SLA: variants seen among roughly 807,000 people sequenced by gnomAD.
SLA encodes src-like-adapter.
A neutral mutation model predicts 30.3 loss-of-function variants in SLA; 16 were observed. The ratio of observed to expected loss-of-function variants is 0.53; its 90% CI spans 0.36 to 0.80. SLA has a LOEUF of 0.80. SLA is among the 30% of genes least tolerant of loss of function. The pLI is 0.01. For synonymous variants in SLA, 143 were observed against 137.8 expected (o/e 1.04, Z -0.26); for missense variants, 310 against 345.2 (o/e 0.90, Z 0.81).
chr8:133,102,212 C>T (rs923417695), intron 1 of SLA, among the ~76,000 whole-genome samples: 1 of 152,224 alleles, frequency 6.6e-6, no homozygotes, highest in Non-Finnish European at 1.5e-5. Flanking sequence ...TGAACCACCT[C>T]AGCTGACCTG....
rs770756324 is a variant in SLA, at chr8:133,096,311, G to A, written c.-319+6242C>T. The A allele has an allele frequency of 8.1e-6, 13 of 1,614,188 alleles. No homozygotes were observed. The East Asian group carries it at 2.9e-4, about 36-fold the overall frequency. On this transcript the variant is annotated intron_variant, in intron 1 of 8. Coordinates refer to ENST00000338087, the MANE Select transcript of SLA (RefSeq NM_001045556.3). ...ACTGAAGAGGTCTTTATGGGTAGAG[G>A]TCGATCTGCTCATTGGGAGTTCTCA...
chr8:133,069,325 C>A (rs566708426), intron 2 of SLA, among the ~76,000 whole-genome samples: 8 of 152,224 alleles, frequency 5.3e-5, no homozygotes, highest in African/African-American at 1.7e-4. Context: ...TTTCACCTGA[C>A]ACAGCATTTG....
chr8:133,057,811 A>G (rs4736620), intron 3 of SLA, among the ~76,000 whole-genome samples: 75,822 of 151,108 alleles, frequency 0.5, 19,403 homozygotes, highest in African/African-American at 0.55. Flanking sequence ...GGGTAAAGCC[A>G]TGTTCCAAGG....
chr8:133,044,842 T>G, intron 7 of SLA, 142 bp downstream of exon 7: 1 of 779,380 alleles, frequency 1.3e-6, no homozygotes, highest in South Asian at 1.7e-5. Flanking sequence ...AAATTTACAG[T>G]CTGAATTAAC....
Position 133,086,752 on chromosome 8 carries a change from T to G in SLA, c.-318-11622A>C, listed in dbSNP as rs1588048537. 2.0e-5 allele frequency among the ~76,000 whole-genome samples: 3 copies of G among 152,188 alleles called. No homozygotes were observed. In the East Asian group the frequency reaches 5.8e-4, roughly 29 times the overall value. ...GTTACAGGAAAACTTTCTCATTTCT[T>G]TATTACAACAATCCTATGGGGAAGC... is the stretch of plus-strand genomic sequence containing the variant. On this transcript the variant is annotated intron_variant, in intron 1 of 8. Coordinates refer to ENST00000338087, the MANE Select transcript of SLA (RefSeq NM_001045556.3).
At chr8:133,049,819 G>A in intron 5 of SLA, 83 bp downstream of exon 5, 1 of 946,944 alleles carries the variant, frequency 1.1e-6, no homozygotes, top group South Asian at 1.3e-5. Context: ...TTACCACTAT[G>A]AATGCTGGAA....
intron 1 of SLA, among the ~76,000 whole-genome samples, chr8:133,078,259 T>C (rs1845202866): frequency 2.0e-5 from 3 of 152,174 alleles, no homozygotes; most frequent in Admixed American, 2.0e-4. Context: ...GGGCAGCCTG[T>C]GAGCTGCATC....
intron 1 of SLA, among the ~76,000 whole-genome samples, chr8:133,078,711 T>G (rs1845278063): frequency 6.6e-6 from 1 of 152,222 alleles, no homozygotes; most frequent in Non-Finnish European, 1.5e-5. Context: ...TTTTCTCTGT[T>G]TTCCAGGCCC....
chr8:133,089,794 C>T (rs1456852180), intron 1 of SLA, among the ~76,000 whole-genome samples: 1 of 152,148 alleles, frequency 6.6e-6, no homozygotes, highest in Non-Finnish European at 1.5e-5. Context: ...GGGTAATCAG[C>T]CTCTGACCCC....
At chr8:133,042,676 G>GTTTTT (rs1838483510) in intron 7 of SLA, among the ~76,000 whole-genome samples, 4 of 55,580 alleles carry the variant, frequency 7.2e-5, no homozygotes, top group Non-Finnish European at 1.3e-4. Flanking sequence ...CTCATTCTGT[G>GTTTTT]TCTTTTTTTT....
chr8:133,060,978 C>A (rs1587939979), intron 2 of SLA, among the ~76,000 whole-genome samples: 1 of 152,214 alleles, frequency 6.6e-6, no homozygotes, highest in Non-Finnish European at 1.5e-5. Context: ...TGTGTACTTA[C>A]AAGCTAGATG....
chr8:133,061,120 C>T (rs1284276020), intron 2 of SLA, among the ~76,000 whole-genome samples: 2 of 152,210 alleles, frequency 1.3e-5, no homozygotes, highest in African/African-American at 4.8e-5. Context: ...AAGCGATTCT[C>T]CTGCCTCAGC....
At chr8:133,066,240 G>A (rs538824187) in intron 2 of SLA, among the ~76,000 whole-genome samples, 1 of 151,202 alleles carries the variant, frequency 6.6e-6, no homozygotes, top group Admixed American at 6.6e-5. Context: ...GCAAGAGAAC[G>A]GCGTGAACCC....
chr8:133,056,078 G>A (rs1297494227), intron 3 of SLA, among the ~76,000 whole-genome samples: 1 of 152,064 alleles, frequency 6.6e-6, no homozygotes, highest in African/African-American at 2.4e-5. Flanking sequence ...GGTCTCCCTG[G>A]GCAGGGCAGG....
In SLA at chr8:133,038,486, T is replaced by G; in HGVS notation, c.*38A>C. On this transcript the variant is annotated 3_prime_UTR_variant, in exon 9 of 9. Transcript: ENST00000338087. The stretch of plus-strand genomic sequence containing the variant: ...GATCCCAGGCAATAGTTGGAACTTC[T>G]GTTCCTTTTGGGCATGAACCATTGT... 1 of 1,480,478 alleles carries G rather than the reference T, an allele frequency of 6.8e-7. No homozygotes were observed. The highest frequency in any genetic ancestry group is 9.4e-7 in the Non-Finnish European group (1 of 1,058,328). The allele number at this position is 1,480,478 out of a possible 1,614,324, so 91.7% of individuals were successfully genotyped here.
intron 7 of SLA, among the ~76,000 whole-genome samples, chr8:133,044,576 C>T (rs760282235): frequency 2.6e-5 from 4 of 152,122 alleles, no homozygotes; most frequent in East Asian, 1.9e-4. Flanking sequence ...ATAGCTTCAT[C>T]GCAGAGGCGT....
intron 3 of SLA, among the ~76,000 whole-genome samples, chr8:133,051,566 G>A (rs1477177553): frequency 1.3e-5 from 2 of 152,170 alleles, no homozygotes; most frequent in Non-Finnish European, 2.9e-5. Flanking sequence ...TGAGGGTGGG[G>A]GTGGTGGAAG....
At chr8:133,100,437 T>A (rs1335738521) in intron 1 of SLA, among the ~76,000 whole-genome samples, 1 of 152,228 alleles carries the variant, frequency 6.6e-6, no homozygotes, top group East Asian at 1.9e-4. Flanking sequence ...ATGTTTCTAG[T>A]TCTGCTAGAC....
intron 7 of SLA, among the ~76,000 whole-genome samples, chr8:133,043,203 C>G (rs146565712): frequency 6.6e-6 from 1 of 152,022 alleles, no homozygotes; most frequent in Admixed American, 6.6e-5. Flanking sequence ...TGAGATATTC[C>G]CCATGGTCAA....
Sources: allele counts gnomAD v4.1 joint callset (sites outside exome capture counted in the v4.1 genomes callset), GRCh38; gene constraint gnomAD v4.1.1; transcripts MANE v1.5; gene names NCBI Gene and HGNC (gene_info 2026-07-23, HGNC 2026-07-21).